TNFAIP8: variants seen among roughly 807,000 people sequenced by gnomAD.
TNFAIP8 encodes TNF alpha induced protein 8.
Under a neutral mutation model 13.3 loss-of-function variants are expected in TNFAIP8, and 7 were observed. That is an observed-to-expected ratio of 0.52 (90% CI 0.30 to 0.99). TNFAIP8 has a LOEUF of 0.99. Among genes scored for constraint, TNFAIP8 ranks in the 50% least tolerant of loss-of-function variants. The probability of loss-of-function intolerance (pLI) is 0.07; values close to 1 mark genes in which losing one functional copy is unlikely to be tolerated. For missense variants in TNFAIP8, 258 were observed against 236.9 expected, an observed-to-expected ratio of 1.09 and a Z score of -0.58; for synonymous variants, 94 against 87.6, an observed-to-expected ratio of 1.07 and a Z score of -0.41.
At chr5:119,324,191 C>T (rs1342771996) in intron 1 of TNFAIP8, among the ~76,000 whole-genome samples, 2 of 143,018 alleles carry the variant, frequency 1.4e-5, no homozygotes, top group African/African-American at 5.2e-5. Flanking sequence ...AGGAAAATCA[C>T]CTGAACCCAG....
chr5:119,359,572 T>C (rs1256865341), intron 1 of TNFAIP8, among the ~76,000 whole-genome samples: 1 of 152,198 alleles, frequency 6.6e-6, no homozygotes, highest in Non-Finnish European at 1.5e-5. Flanking sequence ...AAAAAAAGTT[T>C]AGTTGTTCCG....
rs758600457 is a variant in TNFAIP8 at position 119,333,499 on chromosome 5, C to T, written c.2-59317C>T. The T allele has an allele frequency of 3.4e-5, 50 of 1,488,796 alleles. No individual in the cohort carries two copies. The African/African-American group carries it at 3.5e-4, about 10-fold the overall frequency. 92.2% of individuals were successfully genotyped at this position (1,488,796 alleles called of 1,614,324 possible). A position where few individuals can be genotyped will look rare whatever the true frequency, so the allele number is the denominator to read the frequency against. ...ATTCTTGAGAAGGACTGAGTCTCCC[C>T]GAGGGTGATGCAGGTTCCATAGTGT... On this transcript the variant is annotated intron_variant, in intron 1 of 1. Transcript: ENST00000274456.
upstream of TNFAIP8, chr5:119,355,848 A>AG: frequency 9.5e-7 from 1 of 1,055,788 alleles, no homozygotes; most frequent in South Asian, 3.2e-5. Flanking sequence ...TGCCGGCCCG[A>AG]GCGCGCGGCT....
chr5:119,309,077 C>T (rs559061425), intron 1 of TNFAIP8, among the ~76,000 whole-genome samples: 1 of 152,252 alleles, frequency 6.6e-6, no homozygotes, highest in East Asian at 1.9e-4. Flanking sequence ...TTTTCAGTTG[C>T]TTTTTGTGAA....
intron 1 of TNFAIP8, among the ~76,000 whole-genome samples, chr5:119,375,719 T>C (rs1363197206): frequency 1.3e-5 from 2 of 152,200 alleles, no homozygotes; most frequent in African/African-American, 2.4e-5. Context: ...TTTGGGAGGC[T>C]CTATTAAATT....
chr5:119,398,228 C>T lies in TNFAIP8; in HGVS notation c.*4847C>T, dbSNP rs962348250. The T allele has an allele frequency of 5.3e-5, 8 of 152,114 alleles. No homozygotes were observed. The highest frequency in any genetic ancestry group is 3.9e-4 in the Admixed American group (6 of 15,272). 9.4% of individuals were successfully genotyped at this position (152,114 alleles called of 1,614,324 possible). ...CAGCTGCATAACTGTATTTCTGCCT[C>T]GTGGAAATAAAGTAGATGATCAGGC... is the stretch of plus-strand genomic sequence containing the variant. On this transcript the variant is annotated 3_prime_UTR_variant, in exon 2 of 2. Transcript: ENST00000504771.
chr5:119,331,349 C>T (rs924710572), intron 1 of TNFAIP8, among the ~76,000 whole-genome samples: 1 of 151,606 alleles, frequency 6.6e-6, no homozygotes, highest in Non-Finnish European at 1.5e-5. Context: ...CTTCTTTGTT[C>T]CCAAATCAAG....
At chr5:119,289,615 CT>C (rs1412460795) in intron 1 of TNFAIP8, among the ~76,000 whole-genome samples, 1 of 152,212 alleles carries the variant, frequency 6.6e-6, no homozygotes, top group African/African-American at 2.4e-5. Context: ...TTAGACATGG[CT>C]GACTGACACC....
chr5:119,301,534 A>G (rs965161088), intron 1 of TNFAIP8, among the ~76,000 whole-genome samples: 2 of 152,098 alleles, frequency 1.3e-5, no homozygotes, highest in African/African-American at 2.4e-5. Context: ...GCCATTATTT[A>G]TATGCCATAG....
Position 119,303,731 on chromosome 5 carries a change from C to G in TNFAIP8, c.1+34824C>G, listed in dbSNP as rs141842980. Among the ~76,000 whole-genome samples, 324 of 152,290 alleles carry G rather than the reference C, an allele frequency of 2.1e-3. 2 individuals carry two copies. The highest frequency in any genetic ancestry group is 5.6e-3 in the South Asian group (27 of 4,828). ...ACAGGGAGACAGAGAGAGCCTCTTC[C>G]AAGCAGGGCCACACAGATTCATGAG... On this transcript the variant is annotated intron_variant, in intron 1 of 1. Coordinates refer to the TNFAIP8 transcript ENST00000274456.
rs542060831 is a variant in TNFAIP8, at chr5:119,365,672, G to A, written c.31+9551G>A. Reference sequence around the variant, plus strand: ...AAAGTTGTTTGATAGCAAAATATTAGTGCACTGAGTGTTCTTATTATTAAG... The same window carrying A: ...AAAGTTGTTTGATAGCAAAATATTAATGCACTGAGTGTTCTTATTATTAAG... On this transcript the variant is annotated intron_variant, in intron 1 of 1. Coordinates refer to ENST00000504771, the MANE Select transcript of TNFAIP8 (RefSeq NM_014350.4). Among the ~76,000 whole-genome samples, 4 of 152,280 alleles carry A rather than the reference G, an allele frequency of 2.6e-5. No homozygotes were observed. In the South Asian group the frequency reaches 6.2e-4, roughly 24 times the overall value.
intron 1 of TNFAIP8, chr5:119,268,983 TCGGGGAGCG>T (rs1748177752): frequency 7.8e-6 from 5 of 637,794 alleles, no homozygotes; most frequent in Non-Finnish European, 1.4e-5. Flanking sequence ...CGGGCTGCTC[TCGGGGAGCG>T]CCTCCGGCTC....
chr5:119,332,228 ATGCTCATTAC>A lies in TNFAIP8; in HGVS notation c.2-60583_2-60574del, dbSNP rs1323485152. ...TTGATTTTAATTTAGGTCAATAATA[ATGCTCATTAC>A]TGCTTGAGAACTCTATGTGCATCAG... is the stretch of plus-strand genomic sequence containing the variant. On this transcript the variant is annotated intron_variant, in intron 1 of 1. Coordinates refer to the TNFAIP8 transcript ENST00000274456. Among the ~76,000 whole-genome samples, 21 of 152,282 alleles carry A rather than the reference ATGCTCATTAC, an allele frequency of 1.4e-4. No individual in the cohort carries two copies. The South Asian group carries it at 3.1e-3, about 23-fold the overall frequency.
rs1753046469 is a variant in TNFAIP8, at chr5:119,395,250, A to G, written c.*1869A>G. Reference sequence around the variant, plus strand: ...ACCCTTCTAGCTTCATAACTTGCTAAGTGGCTTATAAATGGAATTCAGCAG... The same window carrying G: ...ACCCTTCTAGCTTCATAACTTGCTAGGTGGCTTATAAATGGAATTCAGCAG... On this transcript the variant is annotated 3_prime_UTR_variant, in exon 2 of 2. Coordinates refer to ENST00000504771, the MANE Select transcript of TNFAIP8 (RefSeq NM_014350.4). The G allele has an allele frequency of 6.6e-6, 1 of 152,246 alleles. No homozygotes were observed. Among genetic ancestry groups the G allele is most frequent in the Non-Finnish European group, 1.5e-5 (1 of 68,052 alleles). 9.4% of individuals were successfully genotyped at this position (152,246 alleles called of 1,614,324 possible).
intron 1 of TNFAIP8, chr5:119,333,122 T>G: frequency 2.4e-6 from 2 of 820,104 alleles, no homozygotes; most frequent in Non-Finnish European, 2.9e-6. Context: ...TTTTTCTAAG[T>G]ATCTGTTTCT....
At chr5:119,271,977 C>T (rs1748307176) in intron 1 of TNFAIP8, among the ~76,000 whole-genome samples, 1 of 152,168 alleles carries the variant, frequency 6.6e-6, no homozygotes, top group Non-Finnish European at 1.5e-5. Context: ...GAGCCAACTG[C>T]AGTTTCTAGG....
In TNFAIP8 at chr5:119,290,371, G is replaced by C. The variant is rs1748943332; in HGVS notation, c.1+21464G>C. 2.0e-5 allele frequency among the ~76,000 whole-genome samples: 3 copies of C among 152,218 alleles called. No individual in the cohort carries two copies. In the South Asian group the frequency reaches 6.2e-4, roughly 31 times the overall value. The stretch of plus-strand genomic sequence containing the variant: ...ACATTCTCTGCGGCTGGAGAATCCA[G>C]TTCTAAGCTGGTTCACTTATGCAGC... On this transcript the variant is annotated intron_variant, in intron 1 of 1. Transcript: ENST00000274456.
At chr5:119,302,173 T>C (rs1437747466) in intron 1 of TNFAIP8, among the ~76,000 whole-genome samples, 2 of 152,220 alleles carry the variant, frequency 1.3e-5, no homozygotes, top group African/African-American at 4.8e-5. Flanking sequence ...GGCCAGTGCA[T>C]TGAACTTGAC....
At chr5:119,376,255 C>G (rs1419598121) in intron 1 of TNFAIP8, among the ~76,000 whole-genome samples, 2 of 151,940 alleles carry the variant, frequency 1.3e-5, no homozygotes, top group Non-Finnish European at 2.9e-5. Context: ...GCTAGGATTA[C>G]AGGCATGTGC....
Sources: gnomAD v4.1 joint callset for allele counts (sites outside exome capture counted in the v4.1 genomes callset) on GRCh38, gnomAD v4.1.1 for gene constraint, MANE v1.5 for transcripts, NCBI Gene and HGNC (gene_info 2026-07-23, HGNC 2026-07-21) for gene names.